Variants in NOTCH2NLC observed in about 807,000 individuals in gnomAD.
NOTCH2NLC encodes notch homolog 2 N-terminal-like protein C.
In NOTCH2NLC, 4 loss-of-function variants were observed where a neutral mutation model predicts 17.7. That is an observed-to-expected ratio of 0.23 (90% CI 0.11 to 0.52). The LOEUF (loss-of-function observed/expected upper bound fraction) is 0.52. Among genes scored for constraint, NOTCH2NLC ranks in the 20% least tolerant of loss-of-function variants. The probability of loss-of-function intolerance (pLI) is 0.96; values close to 1 mark genes in which losing one functional copy is unlikely to be tolerated. For synonymous variants in NOTCH2NLC, 18 were observed against 86.0 expected (o/e 0.21, Z 4.38); for missense variants, 57 against 207.2 (o/e 0.28, Z 4.45).
At chr1:149,412,939 C>G (rs1412945297) in intron 1 of NOTCH2NLC, among the ~76,000 whole-genome samples, 200 of 117,070 alleles carry the variant, frequency 1.7e-3, no homozygotes, top group African/African-American at 5.4e-3. Flanking sequence ...GGGCCTCACT[C>G]TGTCACCCAG....
Position 149,419,382 on chromosome 1 carries a change from T to C in NOTCH2NLC, c.136-11560T>C, listed in dbSNP as rs1288935415. ...TCTTCTGTGCTTAAAGACACAAACA[T>C]GGAAAGTTTTAAGTTCCAATATGGT... On this transcript the variant is annotated intron_variant, in intron 1 of 4. Coordinates refer to ENST00000650865, the MANE Select transcript of NOTCH2NLC (RefSeq NM_001364013.2). 6.7e-5 allele frequency among the ~76,000 whole-genome samples: 10 copies of C among 150,070 alleles called. 1 individual carries two copies. Among genetic ancestry groups the C allele is most frequent in the African/African-American group, 2.4e-4 (10 of 41,026 alleles).
Position 149,390,820 on chromosome 1 carries a change from C to CGGAGGA in NOTCH2NLC, c.35_36insAGGAGG (p.Gly17_Gly18dup). ...TCTGCCCAGGCGGCGGCGGCGGCGG[C>CGGAGGA]GGCGGCGGCGGAGGAGGCGGCGACC... On this transcript the variant is annotated inframe_insertion, in exon 1 of 5. Coordinates refer to ENST00000650865, the MANE Select transcript of NOTCH2NLC (RefSeq NM_001364013.2). The CGGAGGA allele has an allele frequency of 6.1e-6, 8 of 1,316,038 alleles. 1 individual carries two copies. The highest frequency in any genetic ancestry group is 7.7e-6 in the Non-Finnish European group (8 of 1,033,850). 81.5% of individuals were successfully genotyped at this position (1,316,038 alleles called of 1,614,324 possible). A position where few individuals can be genotyped will look rare whatever the true frequency, so the allele number is the denominator to read the frequency against.
chr1:149,402,344 G>T (rs2084251082), intron 1 of NOTCH2NLC, among the ~76,000 whole-genome samples: 2 of 150,762 alleles, frequency 1.3e-5, no homozygotes, highest in Admixed American at 1.3e-4. Flanking sequence ...GCCTCCCAAA[G>T]TGCTGGGATT....
Position 149,390,784 on chromosome 1 carries a change from C to T in NOTCH2NLC, c.-4C>T. 8.1e-7 allele frequency: 1 copy of T among 1,234,800 alleles called. No homozygotes were observed. Among genetic ancestry groups the T allele is most frequent in the African/African-American group, 1.8e-5 (1 of 56,232 alleles). 76.5% of individuals were successfully genotyped at this position (1,234,800 alleles called of 1,614,324 possible). On this transcript the variant is annotated 5_prime_UTR_variant, in exon 1 of 5. Transcript: ENST00000650865. ...TGGGGCTCCTCTATCGGGACCCCCT[C>T]CCCATGTGGATCTGCCCAGGCGGCG...
chr1:149,413,523 A>C (rs1198044993), intron 1 of NOTCH2NLC, among the ~76,000 whole-genome samples: 6 of 151,286 alleles, frequency 4.0e-5, no homozygotes, highest in Admixed American at 2.6e-4. Flanking sequence ...CATGTTGCAT[A>C]TATTAACTTG....
chr1:149,407,097 A>G (rs2084275079), intron 1 of NOTCH2NLC, among the ~76,000 whole-genome samples: 1 of 150,780 alleles, frequency 6.6e-6, no homozygotes, highest in African/African-American at 2.4e-5. Flanking sequence ...GATTCATAGA[A>G]AAAATTATTT....
chr1:149,437,205 A>C (rs2084487462), intron 2 of NOTCH2NLC, among the ~76,000 whole-genome samples: 1 of 143,438 alleles, frequency 7.0e-6, no homozygotes, highest in African/African-American at 2.6e-5. Context: ...ATGGTGAGGC[A>C]AGTAAGGCAC....
At chr1:149,441,826 A>G (rs1162472158) in intron 2 of NOTCH2NLC, among the ~76,000 whole-genome samples, 1 of 37,716 alleles carries the variant, frequency 2.7e-5, no homozygotes, top group Admixed American at 2.8e-4. Flanking sequence ...AGACTCTCTA[A>G]TTAGGAGACA....
At chr1:149,454,554 T>A (rs1338637603) in intron 2 of NOTCH2NLC, among the ~76,000 whole-genome samples, 1 of 150,214 alleles carries the variant, frequency 6.7e-6, no homozygotes, top group Non-Finnish European at 1.5e-5. Flanking sequence ...AATTGATTCC[T>A]TCCTTCACTT....
chr1:149,457,480 G>A (rs2084620391), intron 3 of NOTCH2NLC, among the ~76,000 whole-genome samples: 1 of 126,704 alleles, frequency 7.9e-6, no homozygotes, highest in Non-Finnish European at 1.7e-5. Context: ...ATATATGTAT[G>A]TATATATATT....
chr1:149,441,855 A>G (rs1250030515), intron 2 of NOTCH2NLC, among the ~76,000 whole-genome samples: 1 of 58,094 alleles, frequency 1.7e-5, no homozygotes, highest in Non-Finnish European at 3.5e-5. Context: ...TCTTTTCTAA[A>G]TTTTATAAGA....
rs2084445640 is a variant in NOTCH2NLC, at chr1:149,430,940, A to G, written c.136-2A>G. On this transcript the variant is annotated splice_acceptor_variant, in intron 1 of 4. Transcript: ENST00000650865. LOFTEE classifies it high-confidence loss of function. ...CATTTGTTTTTATTTTTAGCATTGC[A>G]GTGTCGAGATGGCTATGAACCCTGT... 2 of 398,714 alleles carry G rather than the reference A, an allele frequency of 5.0e-6. No homozygotes were observed. Among genetic ancestry groups the G allele is most frequent in the Non-Finnish European group, 9.0e-6 (2 of 223,436 alleles). 24.7% of individuals were successfully genotyped at this position (398,714 alleles called of 1,614,324 possible). A position where few individuals can be genotyped will look rare whatever the true frequency, so the allele number is the denominator to read the frequency against.
At chr1:149,449,009 G>A (rs1438211283) in intron 2 of NOTCH2NLC, among the ~76,000 whole-genome samples, 1 of 147,080 alleles carries the variant, frequency 6.8e-6, no homozygotes, top group African/African-American at 2.5e-5. Context: ...AGCCTCCCGA[G>A]TAGCTGGGAC....
chr1:149,454,736 A>G (rs2084607267), intron 2 of NOTCH2NLC, among the ~76,000 whole-genome samples: 2 of 150,886 alleles, frequency 1.3e-5, no homozygotes, highest in Admixed American at 1.3e-4. Flanking sequence ...AGCCACCTGA[A>G]CATAACCCAG....
intron 2 of NOTCH2NLC, among the ~76,000 whole-genome samples, chr1:149,447,821 AATAAT>A (rs1241474890): frequency 6.7e-6 from 1 of 149,806 alleles, no homozygotes; most frequent in Non-Finnish European, 1.5e-5. Context: ...AGATTGTGGA[AATAAT>A]ATGGAGTGTT....
intron 1 of NOTCH2NLC, among the ~76,000 whole-genome samples, chr1:149,419,264 C>T (rs2084365055): frequency 6.6e-6 from 1 of 150,548 alleles, no homozygotes; most frequent in South Asian, 2.1e-4. Flanking sequence ...AATCTTTTGA[C>T]CTCTCTAGAA....
chr1:149,416,548 C>T (rs1191226302), intron 1 of NOTCH2NLC, among the ~76,000 whole-genome samples: 15 of 89,598 alleles, frequency 1.7e-4, no homozygotes, highest in African/African-American at 5.2e-4. Flanking sequence ...TTAATAGGGC[C>T]GTCATTTTTA....
intron 2 of NOTCH2NLC, among the ~76,000 whole-genome samples, chr1:149,435,396 T>C (rs2084476193): frequency 6.9e-6 from 1 of 144,530 alleles, no homozygotes; most frequent in African/African-American, 2.6e-5. Context: ...GCAGATCATC[T>C]TGATCTTATG....
Position 149,430,019 on chromosome 1 carries a change from C to T in NOTCH2NLC, c.136-923C>T, listed in dbSNP as rs1439228193. Among the ~76,000 whole-genome samples, 75 of 150,862 alleles carry T rather than the reference C, an allele frequency of 5.0e-4. 1 individual carries two copies. In the East Asian group the frequency reaches 0.015, roughly 30 times the overall value. Reference sequence around the variant, plus strand: ...TGTATTTTGGTGATGAAAATTTCAACTCTAAAAGCTAAACAATCAAGATAT... The same window carrying T: ...TGTATTTTGGTGATGAAAATTTCAATTCTAAAAGCTAAACAATCAAGATAT... On this transcript the variant is annotated intron_variant, in intron 1 of 4. Transcript: ENST00000650865.
Sources: allele counts gnomAD v4.1 joint callset (sites outside exome capture counted in the v4.1 genomes callset), GRCh38; gene constraint gnomAD v4.1.1; transcripts MANE v1.5; gene names NCBI Gene and HGNC (gene_info 2026-07-23, HGNC 2026-07-21).